The following BMX variants were observed in gnomAD, a reference collection of about 807,000 sequenced individuals.
The protein encoded by BMX is cytoplasmic tyrosine-protein kinase BMX.
In BMX, 31 loss-of-function variants were observed where a neutral mutation model predicts 59.2. The observed-to-expected ratio is 0.52, with a 90% confidence interval of 0.39 to 0.71. The LOEUF is 0.71. Ranked by LOEUF, BMX falls within the 30% of genes least tolerant of loss-of-function variation. The pLI is 0.00. For missense variants in BMX, 474 were observed against 491.7 expected (o/e 0.96, Z 0.34); for synonymous variants, 185 against 181.0 (o/e 1.02, Z -0.18).
At position 15,549,850 on chromosome X, in the gene BMX, G is replaced by A. The variant is rs780990360; in HGVS notation, c.1806G>A (p.Met602Ile). 5.8e-6 allele frequency: 7 copies of A among 1,205,493 alleles called. No homozygotes were observed. The highest frequency in any genetic ancestry group is 6.7e-6 in the Non-Finnish European group (6 of 892,831). The change falls in exon 18 of 19, where the codon ATG becomes ATA. Residue 602 changes from methionine (M) to isoleucine (I), a missense_variant. Physicochemically the swap from Met to Ile is conservative, Grantham distance 10. Transcript: ENST00000348343. Reference sequence around the variant, plus strand: ...CTTGGTGTGGTGCAGGGATCCTGATGTGGGAGGTGTTCAGCCTGGGGAAGC... The same window carrying A: ...CTTGGTGTGGTGCAGGGATCCTGATATGGGAGGTGTTCAGCCTGGGGAAGC... ...KSDVWAFGIL[M>I]WEVFSLGKQP...
intron 9 of BMX, among the ~76,000 whole-genome samples, chrX:15,529,370 T>A (rs1282327538): frequency 9.0e-6 from 1 of 111,668 alleles, no homozygotes; most frequent in East Asian, 2.8e-4. Context: ...TGTTATCTTC[T>A]AGCCAGTGGG....
intron 17 of BMX, among the ~76,000 whole-genome samples, chrX:15,548,202 A>G (rs1182520761): frequency 8.9e-6 from 1 of 111,967 alleles, no homozygotes; most frequent in Admixed American, 9.5e-5. Context: ...CATGCCTGTA[A>G]TCCCAGCACT....
At position 15,506,723 on chromosome X, in the gene BMX, T is replaced by A. The variant is rs139603090; in HGVS notation, c.-9-1622T>A. Among the ~76,000 whole-genome samples the A allele has an allele frequency of 1.5e-3, 163 of 112,217 alleles. 1 individual carries two copies. The highest frequency in any genetic ancestry group is 5.0e-3 in the African/African-American group (156 of 30,895). On this transcript the variant is annotated intron_variant, in intron 1 of 18. Coordinates refer to ENST00000348343, the MANE Select transcript of BMX (RefSeq NM_203281.3). ...CTACTCTTACCTCCATAGGCTCTAC[T>A]CTACCCTGATCTCTGCCCTGTCTTT...
At chrX:15,541,866 G>A in intron 14 of BMX, 116 bp from the exon 15 acceptor site, 1 of 660,643 alleles carries the variant, frequency 1.5e-6, no homozygotes, top group Non-Finnish European at 2.4e-6. Flanking sequence ...CTCTGTTCAA[G>A]TGAAAGAGGG....
At chrX:15,515,232 T>C (rs1014238306) in intron 4 of BMX, among the ~76,000 whole-genome samples, 2 of 109,670 alleles carry the variant, frequency 1.8e-5, no homozygotes, top group Non-Finnish European at 3.8e-5. Flanking sequence ...GATGGGTTGA[T>C]GGGTGCAGCA....
chrX:15,546,819 C>G lies in BMX; in HGVS notation c.1693C>G (p.Gln565Glu), dbSNP rs760927809. ...FGMTRYVLDDQYVSSVGTKFP... is the reference protein window; with the variant it reads ...FGMTRYVLDDEYVSSVGTKFP... ...CCCTGGCAGGTATGTTCTTGATGAC[C>G]AGTATGTCAGTTCAGTCGGAACAAA... The change falls in exon 17 of 19, where the codon CAG (glutamine) becomes GAG (glutamate). Residue 565 changes from glutamine to glutamate, a missense_variant. Physicochemically the swap from Gln to Glu is conservative, Grantham distance 29. Coordinates refer to ENST00000348343, the MANE Select transcript of BMX (RefSeq NM_203281.3). 1.7e-6 allele frequency: 2 copies of G among 1,207,172 alleles called. No individual in the cohort carries two copies. Among genetic ancestry groups the G allele is most frequent in the African/African-American group, 3.5e-5 (2 of 56,917 alleles).
intron 14 of BMX, among the ~76,000 whole-genome samples, chrX:15,539,716 T>C (rs775576104): frequency 3.6e-5 from 4 of 112,539 alleles, no homozygotes; most frequent in Non-Finnish European, 7.5e-5. Flanking sequence ...AGAATAATCC[T>C]GTAAATTGTT....
chrX:15,538,171 C>T (rs368223134), intron 14 of BMX, among the ~76,000 whole-genome samples: 1 of 109,062 alleles, frequency 9.2e-6, no homozygotes, highest in South Asian at 4.1e-4. Flanking sequence ...CTCTTTCTCT[C>T]TCCCTCTCTC....
intron 13 of BMX, 84 bp downstream of exon 13, chrX:15,536,511 A>T: frequency 1.2e-6 from 1 of 857,427 alleles, no homozygotes; most frequent in Non-Finnish European, 1.6e-6. Flanking sequence ...GCAAAAAAAA[A>T]AAAAAAGGAG....
chrX:15,526,010 C>T lies in BMX; in HGVS notation c.831-32C>T, dbSNP rs73635815. On this transcript the variant is annotated intron_variant, in intron 8 of 18. Coordinates refer to ENST00000348343, the MANE Select transcript of BMX (RefSeq NM_203281.3). ...ACTTGGATTATTTCTTGGTGCTTTT[C>T]TGCACTCACGTTTTTCTCAACTCTT... The T allele has an allele frequency of 0.018, 21,704 of 1,177,932 alleles. 1,776 individuals are homozygous for T. In the African/African-American group the frequency reaches 0.28, roughly 15 times the overall value.
intron 9 of BMX, among the ~76,000 whole-genome samples, chrX:15,526,665 A>C (rs1298963729): frequency 9.6e-6 from 1 of 104,067 alleles, no homozygotes; most frequent in Non-Finnish European, 1.9e-5. Context: ...GGCTCATTGC[A>C]ACCTCCACCT....
At chrX:15,504,491 A>G (rs1472798183) in intron 1 of BMX, among the ~76,000 whole-genome samples, 1 of 111,489 alleles carries the variant, frequency 9.0e-6, no homozygotes, top group Non-Finnish European at 1.9e-5. Context: ...AAACTTGTTC[A>G]TTGTCACTCA....
chrX:15,512,209 G>A (rs139536070), intron 4 of BMX, among the ~76,000 whole-genome samples: 1,474 of 111,630 alleles, frequency 0.013, 24 homozygotes, highest in African/African-American at 0.046. Context: ...GTAGAAGGGA[G>A]AGAATCATTG....
chrX:15,501,147 T>C (rs1445881891), intron 1 of BMX, among the ~76,000 whole-genome samples: 1 of 112,067 alleles, frequency 8.9e-6, no homozygotes, highest in East Asian at 2.8e-4. Flanking sequence ...CTGAAACTGC[T>C]ATAATTTCAC....
chrX:15,522,506 A>T lies in BMX; in HGVS notation c.671A>T (p.Tyr224Phe), dbSNP rs1040042873. The change falls in exon 7 of 19, where the codon TAT (tyrosine) becomes TTT (phenylalanine). Residue 224 changes from tyrosine (Y) to phenylalanine (F), a missense_variant. Transcript: ENST00000348343. ...AQYDSNSKKI[Y>F]GSQPNFNMQY... The stretch of plus-strand genomic sequence containing the variant: ...TATGACAGCAACTCAAAGAAAATCT[A>T]TGGCTCCCAGCCAAACTTCAACATG... The T allele has an allele frequency of 8.3e-7, 1 of 1,210,918 alleles. No individual in the cohort carries two copies. Among genetic ancestry groups the T allele is most frequent in the African/African-American group, 1.7e-5 (1 of 57,453 alleles).
intron 7 of BMX, among the ~76,000 whole-genome samples, chrX:15,524,474 A>C (rs1924613592): frequency 8.9e-6 from 1 of 112,562 alleles, no homozygotes; most frequent in East Asian, 2.8e-4. Flanking sequence ...AGTTGTATAG[A>C]TACTAGGTAA....
intron 12 of BMX, among the ~76,000 whole-genome samples, chrX:15,535,725 C>A (rs1925298239): frequency 9.9e-6 from 1 of 101,511 alleles, no homozygotes; most frequent in East Asian, 3.3e-4. Context: ...AAAAACCAGA[C>A]AAATATATAG....
At chrX:15,526,017 C>CA in intron 8 of BMX, 25 bp from the exon 9 acceptor site, 1 of 1,193,118 alleles carries the variant, frequency 8.4e-7, no homozygotes, top group Non-Finnish European at 1.1e-6. Context: ...TTTCTGCACT[C>CA]ACGTTTTTCT....
chrX:15,513,610 A>T (rs900969093), intron 4 of BMX, among the ~76,000 whole-genome samples: 4 of 111,855 alleles, frequency 3.6e-5, no homozygotes, highest in African/African-American at 1.3e-4. Flanking sequence ...TTAAGATAGA[A>T]TTTTCCAGAT....
Sources: allele counts gnomAD v4.1 joint callset (sites outside exome capture counted in the v4.1 genomes callset), GRCh38; gene constraint gnomAD v4.1.1; transcripts MANE v1.5; gene names NCBI Gene and HGNC (gene_info 2026-07-23, HGNC 2026-07-21).